MLXIPL: variants seen among roughly 807,000 people sequenced by gnomAD.
MLXIPL encodes the protein MLX interacting protein like.
A neutral mutation model predicts 81.5 loss-of-function variants in MLXIPL; 49 were observed. The observed-to-expected ratio is 0.60, with a 90% CI of 0.48 to 0.76. MLXIPL has a LOEUF of 0.76. MLXIPL is among the 30% of genes least tolerant of loss of function. MLXIPL has a pLI of 0.00. For synonymous variants in MLXIPL, 466 were observed against 485.5 expected, an observed-to-expected ratio of 0.96 and a Z score of 0.53; for missense variants, 1,053 against 1,167.0, an observed-to-expected ratio of 0.90 and a Z score of 1.42.
intron 2 of MLXIPL, among the ~76,000 whole-genome samples, chr7:73,612,308 GTGA>G (rs1795737890): frequency 1.3e-5 from 2 of 151,922 alleles, no homozygotes; most frequent in Admixed American, 1.3e-4. Context: ...TCCAGCCTGG[GTGA>G]TGAAGTGAGA....
chr7:73,607,231 C>CG, intron 4 of MLXIPL, 100 bp downstream of exon 4: 1 of 1,352,448 alleles, frequency 7.4e-7, no homozygotes, highest in Non-Finnish European at 1.0e-6. Context: ...GGCGCAAGCT[C>CG]GGGGGTCAGG....
intron 7 of MLXIPL, among the ~76,000 whole-genome samples, chr7:73,601,470 C>T (rs1337730511): frequency 2.0e-5 from 3 of 152,030 alleles, no homozygotes; most frequent in African/African-American, 7.3e-5. Flanking sequence ...GCTCCCTTTC[C>T]CTGATCTGCT....
chr7:73,601,954 C>T (rs1428499370), intron 7 of MLXIPL, among the ~76,000 whole-genome samples: 1 of 152,054 alleles, frequency 6.6e-6, no homozygotes, highest in Non-Finnish European at 1.5e-5. Context: ...GGGTGTCTGT[C>T]GCTCCGTCTG....
chr7:73,616,235 C>T, intron 1 of MLXIPL, 58 bp from the exon 2 acceptor site: 1 of 1,378,838 alleles, frequency 7.3e-7, no homozygotes, highest in South Asian at 1.2e-5. Flanking sequence ...AGAGGCTGGT[C>T]CCCATATTCC....
At position 73,624,322 on chromosome 7, in the gene MLXIPL, C is replaced by T; in HGVS notation, c.171G>A (p.Pro57=). The part of the protein sequence containing the change: ...IHSGHFMVSS[P]HSDSLPRRRD... ...GCCGCCGGGGCAGCGAGTCGCTGTG[C>T]GGCGACGACACCATGAAGTGACCGC... Residue 57 remains proline (P), a synonymous_variant, in exon 1 of 17, where the codon CCG becomes CCA. Coordinates refer to ENST00000313375, the MANE Select transcript of MLXIPL (RefSeq NM_032951.3). 1.9e-6 allele frequency: 3 copies of T among 1,586,940 alleles called. No individual in the cohort carries two copies. The highest frequency in any genetic ancestry group is 2.3e-5 in the East Asian group (1 of 43,568).
At chr7:73,604,899 G>A (rs552597861) in intron 7 of MLXIPL, among the ~76,000 whole-genome samples, 14 of 151,978 alleles carry the variant, frequency 9.2e-5, no homozygotes, top group Middle Eastern at 6.8e-3. Flanking sequence ...TGAGTAGCTG[G>A]GATCACAGGT....
chr7:73,640,301 G>T, the MLXIPL span, among the ~76,000 whole-genome samples: 376 of 150,994 alleles, frequency 2.5e-3, 2 homozygotes, highest in African/African-American at 8.2e-3. Flanking sequence ...GCTTCTTGGG[G>T]TGCTGAGGTG....
At chr7:73,615,617 C>G (rs1454899049) in intron 2 of MLXIPL, among the ~76,000 whole-genome samples, 2 of 151,868 alleles carry the variant, frequency 1.3e-5, no homozygotes, top group East Asian at 3.9e-4. Context: ...CTGGTCTCCC[C>G]CTAAAAGGCT....
rs369154218 is a variant in MLXIPL at position 73,593,746 on chromosome 7, G to C, written c.*119C>G. The C allele has an allele frequency of 2.1e-6, 2 of 932,060 alleles. No individual in the cohort carries two copies. Among genetic ancestry groups the C allele is most frequent in the South Asian group, 2.6e-5 (2 of 76,436 alleles). The allele number at this position is 932,060 out of a possible 1,614,324, so 57.7% of individuals were successfully genotyped here. On this transcript the variant is annotated 3_prime_UTR_variant, in exon 17 of 17. Coordinates refer to ENST00000313375, the MANE Select transcript of MLXIPL (RefSeq NM_032951.3). ...AACCTGGACCCTGCTCCACCCCCCA[G>C]GGAAGGGCAGAGCCAGGGCCTGGGG...
At chr7:73,640,850 C>G in the MLXIPL span, among the ~76,000 whole-genome samples, 1 of 151,758 alleles carries the variant, frequency 6.6e-6, no homozygotes, top group African/African-American at 2.4e-5. Context: ...TCTTGAGGAC[C>G]CCAAAGTCCA....
At chr7:73,610,562 C>G (rs1795624322) in intron 2 of MLXIPL, 1 of 152,346 alleles carries the variant, frequency 6.6e-6, no homozygotes, top group African/African-American at 2.4e-5. Flanking sequence ...CAGCCTGCAC[C>G]TCCCAGGCTC....
chr7:73,615,483 A>G (rs1168908688), intron 2 of MLXIPL, among the ~76,000 whole-genome samples: 1 of 152,046 alleles, frequency 6.6e-6, no homozygotes, highest in Non-Finnish European at 1.5e-5. Flanking sequence ...ATCTCAGCCT[A>G]CCCTAGTGCT....
intron 15 of MLXIPL, 89 bp downstream of exon 15, chr7:73,595,548 G>C (rs1052774536): frequency 1.7e-5 from 27 of 1,611,546 alleles, no homozygotes; most frequent in Non-Finnish European, 2.1e-5. Context: ...TGCCCGGCCT[G>C]GAGAGCTAGG....
At chr7:73,634,372 A>T in the MLXIPL span, among the ~76,000 whole-genome samples, 1 of 152,098 alleles carries the variant, frequency 6.6e-6, no homozygotes, top group African/African-American at 2.4e-5. Context: ...TCTCAAAAAT[A>T]AATAAATAAT....
chr7:73,603,315 G>A (rs67156726), intron 7 of MLXIPL, among the ~76,000 whole-genome samples: 3,160 of 152,238 alleles, frequency 0.021, 41 homozygotes, highest in Middle Eastern at 0.034. Context: ...GCAGCCACCC[G>A]GGCTTGCCAG....
At chr7:73,634,389 C>CT in the MLXIPL span, among the ~76,000 whole-genome samples, 1 of 151,854 alleles carries the variant, frequency 6.6e-6, no homozygotes, top group African/African-American at 2.4e-5. Context: ...TAATTATTTA[C>CT]TTTAAAAGGA....
the MLXIPL span, among the ~76,000 whole-genome samples, chr7:73,639,224 G>T: frequency 1.6e-4 from 24 of 152,148 alleles, no homozygotes; most frequent in African/African-American, 5.3e-4. Flanking sequence ...GGGCCAATAG[G>T]CCATTTTCCT....
At chr7:73,643,367 G>A in the MLXIPL span, among the ~76,000 whole-genome samples, 12 of 152,150 alleles carry the variant, frequency 7.9e-5, no homozygotes, top group African/African-American at 2.6e-4. Flanking sequence ...ATAAAAAATT[G>A]GCCGGGCATG....
In MLXIPL at chr7:73,605,228, C is replaced by A. The variant is rs72649023; in HGVS notation, c.901+460G>T. ...GCCCTGCCCCCATTGGAGGCCACAC[C>A]AGCTGGACAAAAGGAGACCAGGAAG... On this transcript the variant is annotated intron_variant, in intron 7 of 16. Transcript: ENST00000313375. Among the ~76,000 whole-genome samples the A allele has an allele frequency of 6.2e-3, 948 of 152,204 alleles. 37 individuals are homozygous for A. In the East Asian group the frequency reaches 0.09, roughly 14 times the overall value.
Sources: gnomAD v4.1 joint callset for allele counts (sites outside exome capture counted in the v4.1 genomes callset) on GRCh38, gnomAD v4.1.1 for gene constraint, MANE v1.5 for transcripts, NCBI Gene and HGNC (gene_info 2026-07-23, HGNC 2026-07-21) for gene names.